Variants in COL24A1 observed in about 807,000 individuals in gnomAD.
COL24A1 encodes collagen alpha-1(XXIV) chain.
A neutral mutation model predicts 253.9 loss-of-function variants in COL24A1; 224 were observed. That is an observed-to-expected ratio of 0.88 (90% CI 0.79 to 0.99). COL24A1 has a LOEUF of 0.99. COL24A1 is among the 50% of genes least tolerant of loss of function. COL24A1 has a pLI of 0.00. For missense variants in COL24A1, 2,131 were observed against 2,068.5 expected (o/e 1.03, Z -0.59); for synonymous variants, 685 against 673.7 (o/e 1.02, Z -0.26).
At chr1:85,780,163 A>G (rs563402802) in intron 52 of COL24A1, among the ~76,000 whole-genome samples, 2 of 152,286 alleles carry the variant, frequency 1.3e-5, no homozygotes, top group Non-Finnish European at 2.9e-5. Flanking sequence ...CTACAGAAAT[A>G]CTGAGTTATA....
At chr1:85,984,064 C>T (rs1693495424) in intron 20 of COL24A1, among the ~76,000 whole-genome samples, 2 of 151,626 alleles carry the variant, frequency 1.3e-5, no homozygotes. Flanking sequence ...GTCTTTTGCC[C>T]CAGTTTTGAC....
chr1:85,761,278 A>G (rs536832258), intron 55 of COL24A1, 118 bp downstream of exon 55: 2 of 1,151,002 alleles, frequency 1.7e-6, no homozygotes, highest in Non-Finnish European at 2.5e-6. Flanking sequence ...GGTTAGCAAA[A>G]AAGAACAGAG....
chr1:85,828,457 A>G (rs2102058728), intron 43 of COL24A1, among the ~76,000 whole-genome samples: 1 of 151,442 alleles, frequency 6.6e-6, no homozygotes, highest in Non-Finnish European at 1.5e-5. Context: ...TGCAGAGCTG[A>G]GTTGAATTCC....
chr1:85,891,384 T>C (rs1287466478), intron 31 of COL24A1, among the ~76,000 whole-genome samples: 1 of 152,076 alleles, frequency 6.6e-6, no homozygotes, highest in East Asian at 1.9e-4. Context: ...TCTTCTACAT[T>C]ATTGATCTCA....
chr1:85,921,911 A>C lies in COL24A1; in HGVS notation c.2563-10478T>G, dbSNP rs1407917469. Among the ~76,000 whole-genome samples, 15 of 152,312 alleles carry C rather than the reference A, an allele frequency of 9.8e-5. 1 individual carries two copies. In the East Asian group the frequency reaches 1.5e-3, roughly 16 times the overall value. On this transcript the variant is annotated intron_variant, in intron 24 of 59. Coordinates refer to ENST00000370571, the MANE Select transcript of COL24A1 (RefSeq NM_152890.7). ...TTGGAACTCATCGCAAGTAAGCTAA[A>C]AGCCTTGAAAAATGATTAGATGAAT...
At chr1:85,794,380 G>A (rs1236867202) in intron 47 of COL24A1, among the ~76,000 whole-genome samples, 1 of 152,152 alleles carries the variant, frequency 6.6e-6, no homozygotes, top group African/African-American at 2.4e-5. Flanking sequence ...CACTCTTGAA[G>A]TCAAGATGTA....
intron 37 of COL24A1, among the ~76,000 whole-genome samples, chr1:85,852,148 T>C (rs949854963): frequency 2.6e-5 from 4 of 152,190 alleles, no homozygotes; most frequent in Admixed American, 2.0e-4. Context: ...GAGAGTATTT[T>C]TTTTTTCATT....
intron 24 of COL24A1, among the ~76,000 whole-genome samples, chr1:85,941,597 T>C (rs1036525068): frequency 6.6e-6 from 1 of 150,626 alleles, no homozygotes; most frequent in Admixed American, 6.7e-5. Context: ...TTAAAATCTC[T>C]GGACAGGTAA....
chr1:85,936,786 T>G lies in COL24A1; in HGVS notation c.2562+24463A>C, dbSNP rs12751687. On this transcript the variant is annotated intron_variant, in intron 24 of 59. Transcript: ENST00000370571. ...TTAAGCCTTGATGGGAAGATCACAG[T>G]GCAGGCTCCTGAGATTTTGTATCAA... 4.1e-5 allele frequency among the ~76,000 whole-genome samples: 6 copies of G among 146,474 alleles called. 1 individual carries two copies. The highest frequency in any genetic ancestry group is 6.0e-5 in the Non-Finnish European group (4 of 66,278).
At chr1:86,136,042 T>C (rs1650195840) in intron 2 of COL24A1, among the ~76,000 whole-genome samples, 1 of 152,028 alleles carries the variant, frequency 6.6e-6, no homozygotes, top group African/African-American at 2.4e-5. Context: ...CCTTCTTCTC[T>C]AAACCAAATC....
At chr1:85,773,948 C>A (rs1668254167) in intron 53 of COL24A1, among the ~76,000 whole-genome samples, 1 of 152,088 alleles carries the variant, frequency 6.6e-6, no homozygotes, top group African/African-American at 2.4e-5. Flanking sequence ...TGTCTTGTGG[C>A]AGTTTTCAAA....
At chr1:86,142,557 C>A (rs907708810) in intron 2 of COL24A1, among the ~76,000 whole-genome samples, 261 of 137,382 alleles carry the variant, frequency 1.9e-3, no homozygotes, top group Middle Eastern at 3.8e-3. Context: ...ACAAAAAAAA[C>A]AATTTAAACA....
chr1:85,823,135 C>A (rs1673837434), intron 45 of COL24A1, among the ~76,000 whole-genome samples: 1 of 152,130 alleles, frequency 6.6e-6, no homozygotes, highest in African/African-American at 2.4e-5. Context: ...CATGCTTTAA[C>A]AATTATCATT....
intron 32 of COL24A1, among the ~76,000 whole-genome samples, chr1:85,882,462 TCAAAAAACAAAAAACAAAAAA>T: frequency 6.6e-6 from 1 of 152,150 alleles, no homozygotes; most frequent in East Asian, 1.9e-4. Flanking sequence ...AGACTCCGTC[TCAAAAAACAAAAAACAAAAAA>T]CAAAAAACAC....
At chr1:85,965,843 G>A (rs1375498972) in intron 22 of COL24A1, among the ~76,000 whole-genome samples, 2 of 152,154 alleles carry the variant, frequency 1.3e-5, no homozygotes, top group East Asian at 3.9e-4. Flanking sequence ...AGGAGAAGCT[G>A]AAGAATTGAG....
intron 28 of COL24A1, among the ~76,000 whole-genome samples, chr1:85,900,366 A>T (rs1297977197): frequency 2.0e-5 from 3 of 152,178 alleles, no homozygotes; most frequent in African/African-American, 7.2e-5. Context: ...TGGGCTGAGT[A>T]TGGTGGCTCA....
At position 85,911,361 on chromosome 1, in the gene COL24A1, A is replaced by G. The variant is rs763344729; in HGVS notation, c.2616+19T>C. ...CCTAGATTTCTTCCTATAAAACAAA[A>G]TAATTCTTAAAAAATTACCTTTTCG... On this transcript the variant is annotated intron_variant, in intron 25 of 59. Transcript: ENST00000370571. 2.5e-6 allele frequency: 4 copies of G among 1,604,814 alleles called. No homozygotes were observed. Among genetic ancestry groups the G allele is most frequent in the African/African-American group, 1.3e-5 (1 of 74,628 alleles).
chr1:85,736,112 G>T (rs139028377), intron 58 of COL24A1: 13 of 327,040 alleles, frequency 4.0e-5, no homozygotes, highest in African/African-American at 2.6e-4. Flanking sequence ...TGGCATGGTT[G>T]TTATGAGGAT....
At chr1:85,829,396 G>A (rs1674866798) in intron 43 of COL24A1, among the ~76,000 whole-genome samples, 1 of 151,114 alleles carries the variant, frequency 6.6e-6, no homozygotes, top group Admixed American at 6.6e-5. Flanking sequence ...TGACAATTAT[G>A]TGTCTTGGAG....
Sources: gnomAD v4.1 joint callset for allele counts (sites outside exome capture counted in the v4.1 genomes callset) on GRCh38, gnomAD v4.1.1 for gene constraint, MANE v1.5 for transcripts, NCBI Gene and HGNC (gene_info 2026-07-23, HGNC 2026-07-21) for gene names.